The following CDCP1 variants were observed in gnomAD, a reference collection of about 807,000 sequenced individuals.
The protein encoded by CDCP1 is CUB domain containing protein 1, also known as CUB domain-containing protein 1.
A neutral mutation model predicts 60.2 loss-of-function variants in CDCP1; 29 were observed. The ratio of observed to expected loss-of-function variants is 0.48; its 90% CI spans 0.36 to 0.66. CDCP1 has a LOEUF of 0.66. Among genes scored for constraint, CDCP1 ranks in the 30% least tolerant of loss-of-function variants. The pLI, the probability that CDCP1 is intolerant of heterozygous loss-of-function variation, is 0.00. For missense variants in CDCP1, 876 were observed against 1,074.3 expected, an observed-to-expected ratio of 0.82 and a Z score of 2.58; for synonymous variants, 387 against 431.1, an observed-to-expected ratio of 0.90 and a Z score of 1.27.
Position 45,146,257 on chromosome 3 carries a change from C to A in CDCP1, c.31G>T (p.Ala11Ser). The A allele has an allele frequency of 1.3e-6, 2 of 1,592,852 alleles. No homozygotes were observed. Among genetic ancestry groups the A allele is most frequent in the South Asian group, 1.1e-5 (1 of 88,712 alleles). Residue 11 changes from alanine (A) to serine (S), a missense_variant, in exon 1 of 9, where the codon GCA becomes TCA. Ala to Ser is a moderately conservative substitution (Grantham distance 99). Transcript: ENST00000296129. ...CCCAGCAGCAGAACCCCTAGCAGTG[C>A]GATAGAGACCCCGCAGTTCAGGCCG... MAGLNCGVSI[A>S]LLGVLLLGAA...
intron 1 of CDCP1, among the ~76,000 whole-genome samples, chr3:45,142,586 GCA>G (rs1699309302): frequency 6.6e-6 from 1 of 152,080 alleles, no homozygotes; most frequent in Non-Finnish European, 1.5e-5. Context: ...TGGCTGGAAA[GCA>G]CACCAGGACA....
At chr3:45,120,734 C>T (rs1698867862) in intron 1 of CDCP1, among the ~76,000 whole-genome samples, 1 of 152,186 alleles carries the variant, frequency 6.6e-6, no homozygotes. Context: ...GCCAGTCTTG[C>T]CTTCTTTCTT....
Position 45,146,207 on chromosome 3 carries a change from T to C in CDCP1, c.81A>G (p.Ala27=). The C allele has an allele frequency of 1.3e-6, 2 of 1,592,396 alleles. No homozygotes were observed. Among genetic ancestry groups the C allele is most frequent in the East Asian group, 2.4e-5 (1 of 42,066 alleles). ...LLGAARLPRG[A]EAFEIALPRE... is the part of the protein sequence containing the mutation. ...CCGCCTCCAAAGCCCGGCACTCACC[T>C]GCCCCGCGCGGCAGGCGCGCCGCAC... The change falls in exon 1 of 9, where the codon GCA becomes GCG. Residue 27 remains alanine (A), a splice_region_variant and synonymous_variant. Coordinates refer to ENST00000296129, the MANE Select transcript of CDCP1 (RefSeq NM_022842.5).
chr3:45,096,898 C>A (rs1404309114), intron 4 of CDCP1, among the ~76,000 whole-genome samples: 1 of 152,156 alleles, frequency 6.6e-6, no homozygotes, highest in Non-Finnish European at 1.5e-5. Context: ...AGGATTTTAG[C>A]TTTGCCTATA....
At chr3:45,108,180 G>A (rs1698603986) in intron 4 of CDCP1, among the ~76,000 whole-genome samples, 1 of 152,030 alleles carries the variant, frequency 6.6e-6, no homozygotes, top group South Asian at 2.1e-4. Flanking sequence ...CACAGGACTG[G>A]CTTCCTTGGG....
chr3:45,099,698 C>T (rs966190416), intron 4 of CDCP1, among the ~76,000 whole-genome samples: 9 of 152,056 alleles, frequency 5.9e-5, no homozygotes, highest in African/African-American at 2.2e-4. Flanking sequence ...CTTCACTCCA[C>T]TTTCTGGGAG....
At chr3:45,098,496 C>T (rs902782168) in intron 4 of CDCP1, among the ~76,000 whole-genome samples, 1 of 152,098 alleles carries the variant, frequency 6.6e-6, no homozygotes, top group African/African-American at 2.4e-5. Flanking sequence ...TAACACACTC[C>T]GTTCCATTGC....
intron 4 of CDCP1, among the ~76,000 whole-genome samples, chr3:45,108,130 A>G (rs1345023868): frequency 1.4e-5 from 2 of 144,940 alleles, no homozygotes; most frequent in East Asian, 3.9e-4. Context: ...GCCTAAAAAA[A>G]AAAGAAAAAA....
chr3:45,133,001 T>A (rs1699124160), intron 1 of CDCP1, among the ~76,000 whole-genome samples: 2 of 152,198 alleles, frequency 1.3e-5, no homozygotes, highest in African/African-American at 4.8e-5. Context: ...GCCTAATCAG[T>A]TGAACTCTTA....
At position 45,091,122 on chromosome 3, in the gene CDCP1, G is replaced by A. The variant is rs1698284635; in HGVS notation, c.1993+51C>T. 1 of 1,563,884 alleles carries A rather than the reference G, an allele frequency of 6.4e-7. No homozygotes were observed. Among genetic ancestry groups the A allele is most frequent in the African/African-American group, 1.4e-5 (1 of 73,704 alleles). ...CTCCAGGCTTGCTCTCTATCCTCCA[G>A]CTGACAATTTTTTGTTCATCACTGT... On this transcript the variant is annotated intron_variant, in intron 7 of 8. Coordinates refer to ENST00000296129, the MANE Select transcript of CDCP1 (RefSeq NM_022842.5). The surrounding 1 kb of genome is among the most constrained non-coding windows in gnomAD (Gnocchi z 4.8).
At chr3:45,123,573 G>A (rs1698922791) in intron 1 of CDCP1, among the ~76,000 whole-genome samples, 1 of 152,148 alleles carries the variant, frequency 6.6e-6, no homozygotes, top group African/African-American at 2.4e-5. Flanking sequence ...GCTAGAAGGG[G>A]TGAACAGGAG....
chr3:45,097,221 C>T (rs1038303485), intron 4 of CDCP1, among the ~76,000 whole-genome samples: 2 of 151,346 alleles, frequency 1.3e-5, no homozygotes, highest in Admixed American at 6.6e-5. Context: ...GCACGAGAAT[C>T]GGTTGAACCC....
Position 45,091,046 on chromosome 3 carries a change from T to A in CDCP1, c.1993+127A>T. ...TTGTTACTCAGCACTATTGATGCAA[T>A]AGCTGACTGATACATGGACAGTCAG... On this transcript the variant is annotated intron_variant, in intron 7 of 8. Transcript: ENST00000296129. This position sits in a 1 kb window ranked among gnomAD's most constrained non-coding sequence, Gnocchi z 4.8. 1 of 1,028,920 alleles carries A rather than the reference T, an allele frequency of 9.7e-7. No homozygotes were observed. Among genetic ancestry groups the A allele is most frequent in the Non-Finnish European group, 1.4e-6 (1 of 708,530 alleles). The allele number at this position is 1,028,920 out of a possible 1,614,324, so 63.7% of individuals were successfully genotyped here.
intron 4 of CDCP1, among the ~76,000 whole-genome samples, chr3:45,097,503 T>C (rs1051543357): frequency 2.8e-5 from 4 of 142,400 alleles, no homozygotes; most frequent in African/African-American, 8.0e-5. Context: ...TTCATTCTTT[T>C]GTTTAAAAAA....
chr3:45,088,446 A>G (rs1182800424), intron 8 of CDCP1, among the ~76,000 whole-genome samples: 1 of 152,186 alleles, frequency 6.6e-6, no homozygotes, highest in Non-Finnish European at 1.5e-5. Flanking sequence ...AGATTGCACC[A>G]CTGGCAACAG....
intron 4 of CDCP1, among the ~76,000 whole-genome samples, chr3:45,107,323 C>T (rs1698583220): frequency 1.3e-5 from 2 of 152,112 alleles, no homozygotes; most frequent in Non-Finnish European, 2.9e-5. Context: ...TCTCCTGCCT[C>T]AGCCTCCTGA....
intron 1 of CDCP1, among the ~76,000 whole-genome samples, chr3:45,143,346 A>G (rs1039192125): frequency 2.6e-5 from 4 of 152,230 alleles, no homozygotes; most frequent in Non-Finnish European, 5.9e-5. Context: ...GTCATTTTCT[A>G]GTCTGTGCTA....
chr3:45,141,175 T>C (rs1439753705), intron 1 of CDCP1, among the ~76,000 whole-genome samples: 1 of 151,394 alleles, frequency 6.6e-6, no homozygotes, highest in South Asian at 2.1e-4. Context: ...CATTCCAGCC[T>C]GGGCAACAGA....
chr3:45,107,695 G>T (rs1411703606), intron 4 of CDCP1, among the ~76,000 whole-genome samples: 1 of 152,180 alleles, frequency 6.6e-6, no homozygotes, highest in Non-Finnish European at 1.5e-5. Context: ...GAAGTGACTT[G>T]CCCATGGTCA....
Sources: gnomAD v4.1 joint callset for allele counts (sites outside exome capture counted in the v4.1 genomes callset) on GRCh38, gnomAD v4.1.1 for gene constraint, Gnocchi (gnomAD v3.1) non-coding constraint, MANE v1.5 for transcripts, NCBI Gene and HGNC (gene_info 2026-07-23, HGNC 2026-07-21) for gene names.